The following SNX29 variants were observed in gnomAD, a reference collection of about 807,000 sequenced individuals.
SNX29 encodes sorting nexin-29.
Under a neutral mutation model 102.1 loss-of-function variants are expected in SNX29, and 78 were observed. The ratio of observed to expected loss-of-function variants is 0.76; its 90% confidence interval spans 0.64 to 0.92. The LOEUF (loss-of-function observed/expected upper bound fraction) is 0.92. Among genes scored for constraint, SNX29 ranks in the 40% least tolerant of loss-of-function variants. The probability of loss-of-function intolerance (pLI) is 0.00; values close to 1 mark genes in which losing one functional copy is unlikely to be tolerated. For missense variants in SNX29, 1,280 were observed against 1,061.7 expected, an observed-to-expected ratio of 1.21 and a Z score of -2.86; for synonymous variants, 580 against 414.5, an observed-to-expected ratio of 1.40 and a Z score of -4.85.
At chr16:12,269,211 A>G (rs76508309) in intron 14 of SNX29, among the ~76,000 whole-genome samples, 3,431 of 152,310 alleles carry the variant, frequency 0.023, 144 homozygotes, top group African/African-American at 0.078. Flanking sequence ...CACAGGAGAA[A>G]GTTGCTGACT....
chr16:12,043,222 G>A, intron 5 of SNX29, 145 bp downstream of exon 5: 1 of 1,077,574 alleles, frequency 9.3e-7, no homozygotes, highest in Non-Finnish European at 1.3e-6. Flanking sequence ...GTGTTCTGCT[G>A]AGCTGTGGAG....
chr16:12,524,450 A>G (rs1330093500), intron 19 of SNX29, among the ~76,000 whole-genome samples: 3 of 151,790 alleles, frequency 2.0e-5, no homozygotes, highest in South Asian at 2.1e-4. Flanking sequence ...TAACTGTCCC[A>G]TTTGAATAGG....
chr16:12,507,676 C>T (rs899405909), intron 19 of SNX29, among the ~76,000 whole-genome samples: 9 of 152,122 alleles, frequency 5.9e-5, no homozygotes, highest in African/African-American at 1.9e-4. Flanking sequence ...ATTCCTTTTT[C>T]GGCCCTGATT....
intron 12 of SNX29, among the ~76,000 whole-genome samples, chr16:12,127,277 A>G (rs1313653572): frequency 6.6e-6 from 1 of 151,890 alleles, no homozygotes; most frequent in Non-Finnish European, 1.5e-5. Context: ...AAAATAAAAT[A>G]AAATAAAAAA....
chr16:12,574,024 A>T lies in SNX29; in HGVS notation c.*5395A>T, dbSNP rs191184959. 1.9e-3 allele frequency: 376 copies of T among 195,528 alleles called. 11 individuals are homozygous for T. The East Asian group carries it at 0.026, about 14-fold the overall frequency. The allele number at this position is 195,528 out of a possible 1,614,324, so 12.1% of individuals were successfully genotyped here. On this transcript the variant is annotated 3_prime_UTR_variant, in exon 21 of 21. Coordinates refer to ENST00000566228, the MANE Select transcript of SNX29 (RefSeq NM_032167.5). ...ACCCCCTTAAGGGTAAGCAGGCCAC[A>T]TATCTAGAGTCTGATAGTCTGTGTG...
chr16:12,574,286 T>C lies in SNX29; in HGVS notation c.*5657T>C, dbSNP rs1402255915. On this transcript the variant is annotated 3_prime_UTR_variant, in exon 21 of 21. Transcript: ENST00000566228. ...ACATTTTATAAATTAGATACTTCAG[T>C]GGATGGTCTCTGTCTCAGTTCTTTT... The C allele has an allele frequency of 1.2e-5, 2 of 171,976 alleles. No homozygotes were observed. The highest frequency in any genetic ancestry group is 2.0e-4 in the South Asian group (1 of 5,010). The allele number at this position is 171,976 out of a possible 1,614,324, so 10.7% of individuals were successfully genotyped here. A position where few individuals can be genotyped will look rare whatever the true frequency, so the allele number is the denominator to read the frequency against.
chr16:12,562,417 C>T (rs2078778762), intron 20 of SNX29, among the ~76,000 whole-genome samples: 1 of 152,174 alleles, frequency 6.6e-6, no homozygotes, highest in African/African-American at 2.4e-5. Flanking sequence ...ACAATTTACC[C>T]ACTTAAAGTG....
intron 15 of SNX29, among the ~76,000 whole-genome samples, chr16:12,331,189 C>T (rs1426642575): frequency 6.6e-6 from 1 of 152,140 alleles, no homozygotes; most frequent in Non-Finnish European, 1.5e-5. Flanking sequence ...CTGCTGAGCC[C>T]AACTTTCCAG....
intron 3 of SNX29, among the ~76,000 whole-genome samples, chr16:12,016,964 C>CA (rs1187654681): frequency 0.014 from 1,990 of 144,508 alleles, 31 homozygotes; most frequent in African/African-American, 0.047. Flanking sequence ...CCTGTCTTTA[C>CA]AAAAAAAAAA....
chr16:12,257,709 G>A (rs74389365), intron 14 of SNX29, among the ~76,000 whole-genome samples: 2 of 86,820 alleles, frequency 2.3e-5, no homozygotes, highest in Non-Finnish European at 4.8e-5. Context: ...TTTTTTTTTT[G>A]TAGCATCAGG....
chr16:12,233,686 T>A (rs2077838336), intron 14 of SNX29, among the ~76,000 whole-genome samples: 1 of 152,208 alleles, frequency 6.6e-6, no homozygotes, highest in Non-Finnish European at 1.5e-5. Flanking sequence ...TTTTAGTATA[T>A]TCATAGAGTT....
At chr16:12,199,004 T>G (rs977452298) in intron 13 of SNX29, among the ~76,000 whole-genome samples, 1 of 152,196 alleles carries the variant, frequency 6.6e-6, no homozygotes, top group Admixed American at 6.5e-5. Flanking sequence ...CCCTGGGTTC[T>G]GTGTTCCTTA....
chr16:12,244,238 T>C (rs996424451), intron 14 of SNX29, among the ~76,000 whole-genome samples: 3 of 152,078 alleles, frequency 2.0e-5, no homozygotes, highest in Non-Finnish European at 4.4e-5. Context: ...GCCTTGGGGG[T>C]TGGAGACCCC....
At chr16:12,083,491 T>G (rs2052015416) in intron 11 of SNX29, among the ~76,000 whole-genome samples, 1 of 152,054 alleles carries the variant, frequency 6.6e-6, no homozygotes, top group Middle Eastern at 3.2e-3. Flanking sequence ...TTATCTCTTC[T>G]TATAAGGGCA....
chr16:12,463,465 G>A (rs750146833), intron 18 of SNX29, among the ~76,000 whole-genome samples: 58 of 152,188 alleles, frequency 3.8e-4, no homozygotes, highest in Non-Finnish European at 7.2e-4. Context: ...GGCAGGCAAA[G>A]AAAGCTTGTG....
At chr16:12,079,111 C>A (rs373375287) in intron 11 of SNX29, among the ~76,000 whole-genome samples, 196 bp downstream of exon 11, 4 of 152,188 alleles carry the variant, frequency 2.6e-5, no homozygotes, top group Non-Finnish European at 5.9e-5. Context: ...TGGGCGTGTG[C>A]GCGCTAAAGG....
intron 20 of SNX29, among the ~76,000 whole-genome samples, chr16:12,537,265 C>T (rs901725138): frequency 6.6e-6 from 1 of 152,180 alleles, no homozygotes; most frequent in Non-Finnish European, 1.5e-5. Context: ...CTTCTTTTCA[C>T]CTCAGGAAAC....
At chr16:12,321,726 G>A (rs2080937961) in intron 15 of SNX29, among the ~76,000 whole-genome samples, 1 of 152,134 alleles carries the variant, frequency 6.6e-6, no homozygotes. Flanking sequence ...GGGCCCCGGG[G>A]AGAAGAAACT....
At chr16:12,212,756 A>G (rs2077220346) in intron 14 of SNX29, among the ~76,000 whole-genome samples, 1 of 152,116 alleles carries the variant, frequency 6.6e-6, no homozygotes, top group Admixed American at 6.5e-5. Context: ...TCGGATGTGT[A>G]CTTTGCAAAT....
Sources: allele counts gnomAD v4.1 joint callset (sites outside exome capture counted in the v4.1 genomes callset), GRCh38; gene constraint gnomAD v4.1.1; transcripts MANE v1.5; gene names NCBI Gene and HGNC (gene_info 2026-07-23, HGNC 2026-07-21).